Variants in BBX observed in about 807,000 individuals in gnomAD.
The protein encoded by BBX is BBX high mobility group box domain containing, also known as HMG box transcription factor BBX.
BBX carries 30 observed loss-of-function variants against 100.2 expected under a neutral mutation model. The observed-to-expected ratio is 0.30, with a 90% CI of 0.22 to 0.41. BBX has a LOEUF of 0.41. Among genes scored for constraint, BBX ranks in the 10% least tolerant of loss-of-function variants. The pLI, the probability that BBX is intolerant of heterozygous loss-of-function variation, is 1.00. For synonymous variants in BBX, 376 were observed against 388.1 expected, an observed-to-expected ratio of 0.97 and a Z score of 0.37; for missense variants, 1,023 against 1,129.8, an observed-to-expected ratio of 0.91 and a Z score of 1.35.
intron 3 of BBX, among the ~76,000 whole-genome samples, chr3:107,708,726 T>A (rs1182073059): frequency 1.3e-5 from 2 of 152,138 alleles, no homozygotes; most frequent in African/African-American, 2.4e-5. Context: ...AAGATTTTTT[T>A]AGAAAATGAT....
At chr3:107,607,845 T>G (rs1300852922) in intron 2 of BBX, among the ~76,000 whole-genome samples, 6 of 152,236 alleles carry the variant, frequency 3.9e-5, no homozygotes, top group Non-Finnish European at 4.4e-5. Flanking sequence ...TGTTGCTGTT[T>G]GTATGTCTTC....
chr3:107,598,854 A>G lies in BBX; in HGVS notation c.-83-46982A>G, dbSNP rs2053849906. Among the ~76,000 whole-genome samples, 3 of 152,152 alleles carry G rather than the reference A, an allele frequency of 2.0e-5. No homozygotes were observed. The South Asian group carries it at 6.2e-4, about 32-fold the overall frequency. On this transcript the variant is annotated intron_variant, in intron 2 of 17. Transcript: ENST00000325805. ...GATGCAGCATTATTTTTTAAATGGA[A>G]AGGCATTTACTCTCTCATTGAAGAC...
intron 13 of BBX, among the ~76,000 whole-genome samples, chr3:107,783,379 AT>A (rs1401171057): frequency 3.9e-5 from 6 of 151,978 alleles, no homozygotes. Context: ...TATGATTGTT[AT>A]TTTTTCATGT....
At chr3:107,762,561 GC>G (rs1315251481) in intron 10 of BBX, among the ~76,000 whole-genome samples, 1 of 152,190 alleles carries the variant, frequency 6.6e-6, no homozygotes, top group African/African-American at 2.4e-5. Flanking sequence ...CTGCTAAAAT[GC>G]CATCCTAAGG....
intron 10 of BBX, among the ~76,000 whole-genome samples, chr3:107,758,898 T>C (rs1433497975): frequency 6.6e-6 from 1 of 152,192 alleles, no homozygotes; most frequent in Non-Finnish European, 1.5e-5. Flanking sequence ...AGCCCCAAAC[T>C]AACTACTCAC....
At chr3:107,646,369 A>C (rs1426973749) in intron 3 of BBX, among the ~76,000 whole-genome samples, 1 of 152,132 alleles carries the variant, frequency 6.6e-6, no homozygotes, top group Non-Finnish European at 1.5e-5. Flanking sequence ...CTGCATCTTG[A>C]AATCACTTTA....
chr3:107,582,018 CT>C (rs1264221219), intron 2 of BBX, among the ~76,000 whole-genome samples: 1 of 151,540 alleles, frequency 6.6e-6, no homozygotes, highest in South Asian at 2.1e-4. Context: ...TAGAAAGATT[CT>C]TTAACGTTTT....
At chr3:107,574,863 T>C (rs919160063) in intron 2 of BBX, among the ~76,000 whole-genome samples, 6 of 152,172 alleles carry the variant, frequency 3.9e-5, no homozygotes, top group African/African-American at 1.2e-4. Context: ...AAGTGGACTT[T>C]CCTGGGTTAG....
intron 10 of BBX, among the ~76,000 whole-genome samples, chr3:107,764,047 C>CA (rs891483300): frequency 1.6e-4 from 24 of 152,246 alleles, no homozygotes; most frequent in African/African-American, 5.8e-4. Flanking sequence ...GGCTGGAGTG[C>CA]AGTGGCACGA....
chr3:107,668,497 C>CAA (rs1253050167), intron 3 of BBX, among the ~76,000 whole-genome samples: 1 of 152,168 alleles, frequency 6.6e-6, no homozygotes, highest in East Asian at 1.9e-4. Flanking sequence ...CGGAGCTGCT[C>CAA]AATAAACATT....
chr3:107,708,783 T>G (rs1385579472), intron 3 of BBX, among the ~76,000 whole-genome samples: 1 of 152,120 alleles, frequency 6.6e-6, no homozygotes. Context: ...TCATCAATAG[T>G]AGACTCAGTA....
intron 3 of BBX, among the ~76,000 whole-genome samples, chr3:107,648,982 AT>A (rs1375443230): frequency 6.6e-6 from 1 of 152,196 alleles, no homozygotes; most frequent in Non-Finnish European, 1.5e-5. Context: ...AGACTGGGTA[AT>A]TTATAAAGGA....
chr3:107,667,320 C>A (rs2058802728), intron 3 of BBX, among the ~76,000 whole-genome samples: 1 of 152,056 alleles, frequency 6.6e-6, no homozygotes. Flanking sequence ...ATAAAAGTTT[C>A]TTTTGTAGTA....
intron 3 of BBX, among the ~76,000 whole-genome samples, chr3:107,702,393 C>A (rs1262619701): frequency 1.3e-5 from 2 of 152,212 alleles, no homozygotes; most frequent in Non-Finnish European, 2.9e-5. Context: ...TCTCTCCTTT[C>A]CCATCCAAAC....
chr3:107,555,070 AAACAAC>A (rs77709627), intron 2 of BBX, among the ~76,000 whole-genome samples: 127 of 151,064 alleles, frequency 8.4e-4, no homozygotes, highest in Middle Eastern at 3.4e-3. Context: ...CTCCGTCTCA[AAACAAC>A]AACAACAACA....
intron 2 of BBX, among the ~76,000 whole-genome samples, chr3:107,645,432 A>C (rs753220394): frequency 1.4e-4 from 21 of 152,182 alleles, no homozygotes; most frequent in Non-Finnish European, 2.4e-4. Context: ...ATCACAGTTT[A>C]TCTAGTTGAG....
At chr3:107,759,984 CTGCTGT>C (rs1453573991) in intron 10 of BBX, among the ~76,000 whole-genome samples, 1 of 152,172 alleles carries the variant, frequency 6.6e-6, no homozygotes, top group African/African-American at 2.4e-5. Flanking sequence ...CATTTATTAT[CTGCTGT>C]GTGTTAGGCA....
Position 107,798,599 on chromosome 3 carries a change from A to G in BBX, c.2430A>G (p.Pro810=). The change falls in exon 16 of 18, where the codon CCA becomes CCG. Residue 810 remains proline, a synonymous_variant. Transcript: ENST00000325805. Reference sequence around the variant, plus strand: ...ATATCCCATCCATTTTCAACACTCCAGAGCCAACAACAACGCAAGAACCTT... The same window carrying G: ...ATATCCCATCCATTTTCAACACTCCGGAGCCAACAACAACGCAAGAACCTT... ...VKNIPSIFNT[P]EPTTTQEPLV... 1.9e-6 allele frequency: 3 copies of G among 1,614,182 alleles called. No homozygotes were observed. The highest frequency in any genetic ancestry group is 2.7e-5 in the African/African-American group (2 of 75,050).
intron 2 of BBX, among the ~76,000 whole-genome samples, chr3:107,641,448 C>CA (rs2057206291): frequency 6.6e-6 from 1 of 152,100 alleles, no homozygotes; most frequent in African/African-American, 2.4e-5. Context: ...AGAGGATTTG[C>CA]AAATCTTTCA....
Sources: allele counts gnomAD v4.1 joint callset (sites outside exome capture counted in the v4.1 genomes callset), GRCh38; gene constraint gnomAD v4.1.1; transcripts MANE v1.5; gene names NCBI Gene and HGNC (gene_info 2026-07-23, HGNC 2026-07-21).